Variants in HECW1 observed in about 807,000 individuals in gnomAD.
HECW1 encodes the protein E3 ubiquitin-protein ligase HECW1.
A neutral mutation model predicts 182.3 loss-of-function variants in HECW1; 61 were observed. The ratio of observed to expected loss-of-function variants is 0.33; its 90% confidence interval spans 0.27 to 0.41. The LOEUF (loss-of-function observed/expected upper bound fraction) is 0.41, where lower values mean the gene tolerates loss of function less well. Among genes scored for constraint, HECW1 ranks in the 10% least tolerant of loss-of-function variants. The pLI is 1.00. For missense variants in HECW1, 1,739 were observed against 2,108.9 expected, an observed-to-expected ratio of 0.82 and a Z score of 3.44; for synonymous variants, 859 against 832.6, an observed-to-expected ratio of 1.03 and a Z score of -0.55.
chr7:43,334,152 G>T (rs1035136655), intron 5 of HECW1, among the ~76,000 whole-genome samples: 13 of 152,184 alleles, frequency 8.5e-5, no homozygotes, highest in African/African-American at 2.9e-4. Flanking sequence ...AGAAAGTCCT[G>T]CCTGAACATT....
intron 2 of HECW1, among the ~76,000 whole-genome samples, chr7:43,167,948 G>A (rs1435270810): frequency 2.6e-5 from 4 of 152,114 alleles, no homozygotes; most frequent in South Asian, 2.1e-4. Context: ...CATACTGTAA[G>A]CCCAGCACTC....
intron 6 of HECW1, among the ~76,000 whole-genome samples, chr7:43,372,332 A>G (rs184683750): frequency 1.9e-3 from 288 of 152,178 alleles, no homozygotes; most frequent in African/African-American, 6.7e-3. Flanking sequence ...TTACCTGTTT[A>G]TATTTACTAA....
chr7:43,483,547 CTTTT>C (rs549214390), intron 17 of HECW1, among the ~76,000 whole-genome samples: 1 of 119,036 alleles, frequency 8.4e-6, no homozygotes, highest in Non-Finnish European at 1.7e-5. Flanking sequence ...CATGCAAACT[CTTTT>C]TTTTTTTTTT....
chr7:43,272,676 A>C (rs1263084866), intron 3 of HECW1, among the ~76,000 whole-genome samples: 1 of 152,176 alleles, frequency 6.6e-6, no homozygotes, highest in Admixed American at 6.5e-5. Context: ...AAAACAGATG[A>C]TGGCATGGCT....
chr7:43,441,015 T>G (rs1178860880), intron 9 of HECW1, among the ~76,000 whole-genome samples: 1 of 152,128 alleles, frequency 6.6e-6, no homozygotes, highest in East Asian at 1.9e-4. Context: ...AAATACAGAG[T>G]CATCTGAGTA....
intron 8 of HECW1, among the ~76,000 whole-genome samples, chr7:43,420,689 G>C (rs2076153657): frequency 6.6e-6 from 1 of 152,144 alleles, no homozygotes; most frequent in Admixed American, 6.5e-5. Flanking sequence ...AATAAAAATT[G>C]TTAAAAGATA....
At chr7:43,157,168 C>A (rs994349745) in intron 2 of HECW1, among the ~76,000 whole-genome samples, 2 of 152,082 alleles carry the variant, frequency 1.3e-5, no homozygotes, top group Admixed American at 1.3e-4. Context: ...AGACTATAAG[C>A]CCAAAATCAA....
At chr7:43,170,861 G>A (rs1237971325) in intron 2 of HECW1, among the ~76,000 whole-genome samples, 1 of 152,198 alleles carries the variant, frequency 6.6e-6, no homozygotes, top group African/African-American at 2.4e-5. Context: ...TGAAAGTAGG[G>A]CGGAGCAGCA....
At chr7:43,254,282 T>C (rs376771872) in intron 3 of HECW1, among the ~76,000 whole-genome samples, 3 of 152,152 alleles carry the variant, frequency 2.0e-5, no homozygotes, top group African/African-American at 7.2e-5. Context: ...CAATGACCAC[T>C]GAGAGTAAAA....
chr7:43,265,371 G>C (rs373343667), intron 3 of HECW1, among the ~76,000 whole-genome samples: 1 of 152,160 alleles, frequency 6.6e-6, no homozygotes, highest in Non-Finnish European at 1.5e-5. Flanking sequence ...GCCAGGAAGT[G>C]TCATCCTGCC....
At chr7:43,308,350 AT>A (rs1808055169) in intron 3 of HECW1, among the ~76,000 whole-genome samples, 2 of 136,658 alleles carry the variant, frequency 1.5e-5, no homozygotes, top group Non-Finnish European at 3.1e-5. Context: ...TATATGATAT[AT>A]TTATATATAA....
At chr7:43,178,220 G>C (rs1289902470) in intron 2 of HECW1, among the ~76,000 whole-genome samples, 1 of 152,146 alleles carries the variant, frequency 6.6e-6, no homozygotes, top group Non-Finnish European at 1.5e-5. Flanking sequence ...TGACCAGGCT[G>C]GTCTCAAACT....
chr7:43,485,938 C>A (rs973680472), intron 17 of HECW1, among the ~76,000 whole-genome samples: 5 of 152,040 alleles, frequency 3.3e-5, no homozygotes, highest in African/African-American at 1.2e-4. Context: ...ATACATGTGC[C>A]ATGTGGGTTT....
In HECW1 at chr7:43,550,522, C is replaced by T. The variant is rs759431636; in HGVS notation, c.4326C>T (p.Arg1442=). The T allele has an allele frequency of 6.2e-7, 1 of 1,614,008 alleles. No homozygotes were observed. The highest frequency in any genetic ancestry group is 8.5e-7 in the Non-Finnish European group (1 of 1,179,962). Residue 1442 remains arginine (R), a synonymous_variant, in exon 27 of 30, where the codon CGC becomes CGT. Coordinates refer to ENST00000395891, the MANE Select transcript of HECW1 (RefSeq NM_015052.5). ...TEKNKKEYIE[R]MVKWRVERGV... ...AAAACAAGAAGGAGTACATCGAGCG[C>T]ATGGTGAAGTGGCGGGTGGAGCGCG...
At chr7:43,559,908 G>A (rs2082154420) in intron 29 of HECW1, among the ~76,000 whole-genome samples, 1 of 152,174 alleles carries the variant, frequency 6.6e-6, no homozygotes, top group African/African-American at 2.4e-5. Flanking sequence ...AGTAAACCAT[G>A]AGTGTTCAGA....
chr7:43,321,120 T>G (rs546729076), intron 5 of HECW1, among the ~76,000 whole-genome samples: 10 of 152,290 alleles, frequency 6.6e-5, no homozygotes, highest in African/African-American at 2.4e-4. Flanking sequence ...CCTCCAGTTT[T>G]GCCTTTGCTT....
intron 24 of HECW1, among the ~76,000 whole-genome samples, chr7:43,520,057 A>G (rs1026577400): frequency 6.6e-6 from 1 of 152,208 alleles, no homozygotes; most frequent in Non-Finnish European, 1.5e-5. Context: ...CCAAGATGCC[A>G]TTTGGTAAAA....
chr7:43,128,497 T>A (rs1786529573), intron 2 of HECW1, among the ~76,000 whole-genome samples: 1 of 152,186 alleles, frequency 6.6e-6, no homozygotes, highest in Non-Finnish European at 1.5e-5. Flanking sequence ...GAAAAAAGAT[T>A]CCATTCAAAA....
chr7:43,203,011 C>T (rs1426929750), intron 2 of HECW1, among the ~76,000 whole-genome samples: 1 of 152,026 alleles, frequency 6.6e-6, no homozygotes, highest in Non-Finnish European at 1.5e-5. Context: ...TCTTTTTGGA[C>T]TCAGCCCGCC....
Sources: allele counts gnomAD v4.1 joint callset (sites outside exome capture counted in the v4.1 genomes callset), GRCh38; gene constraint gnomAD v4.1.1; transcripts MANE v1.5; gene names NCBI Gene and HGNC (gene_info 2026-07-23, HGNC 2026-07-21).